Variants in RSU1 observed in about 807,000 individuals in gnomAD.
The protein encoded by RSU1 is Ras suppressor protein 1.
RSU1 carries 26 observed loss-of-function variants against 31.1 expected under a neutral mutation model. The ratio of observed to expected loss-of-function variants is 0.84; its 90% CI spans 0.61 to 1.16. The LOEUF is 1.16. RSU1 is among the 50% of genes most tolerant of loss of function. The probability of loss-of-function intolerance (pLI) is 0.00; values close to 1 mark genes in which losing one functional copy is unlikely to be tolerated. For synonymous variants in RSU1, 164 were observed against 136.3 expected (o/e 1.20, Z -1.41); for missense variants, 320 against 339.1 (o/e 0.94, Z 0.44).
chr10:16,744,019 A>G (rs576659646), intron 7 of RSU1, among the ~76,000 whole-genome samples: 1 of 151,888 alleles, frequency 6.6e-6, no homozygotes, highest in South Asian at 2.1e-4. Flanking sequence ...GGTCCCAGCT[A>G]CTTGGAAGGC....
At chr10:16,671,743 A>G (rs1331307595) in intron 8 of RSU1, among the ~76,000 whole-genome samples, 1 of 151,902 alleles carries the variant, frequency 6.6e-6, no homozygotes, top group Non-Finnish European at 1.5e-5. Flanking sequence ...CTCCTGCCTC[A>G]GCCTCCCAAG....
At position 16,695,169 on chromosome 10, in the gene RSU1, A is replaced by AGGGGG. The variant is rs752388577; in HGVS notation, c.599-15_599-14insCCCCC. 9.3e-6 allele frequency: 11 copies of AGGGGG among 1,183,154 alleles called. No individual in the cohort carries two copies. The highest frequency in any genetic ancestry group is 3.4e-5 in the African/African-American group (2 of 59,276). The allele number at this position is 1,183,154 out of a possible 1,614,324, so 73.3% of individuals were successfully genotyped here. On this transcript the variant is annotated splice_polypyrimidine_tract_variant and intron_variant, in intron 7 of 8. Coordinates refer to ENST00000345264, the MANE Select transcript of RSU1 (RefSeq NM_012425.4). ...AATCCAAGTTTCCTGGGGGGGGGGA[A>AGGGGG]AAAAAAAGTGAAGGTCACTTCATCC... is the stretch of plus-strand genomic sequence containing the variant.
rs538852360 is a variant in RSU1 at position 16,714,868 on chromosome 10, G to C, written c.599-19713C>G. Among the ~76,000 whole-genome samples the C allele has an allele frequency of 4.6e-5, 7 of 152,268 alleles. No homozygotes were observed. In the South Asian group the frequency reaches 1.4e-3, roughly 32 times the overall value. On this transcript the variant is annotated intron_variant, in intron 7 of 8. Transcript: ENST00000345264. ...TCCTCAATGTGGACACTGAGGCATT[G>C]CATCTGTGTGAGCTCCCGGCTACTC...
At chr10:16,808,918 G>A (rs1183743590) in intron 2 of RSU1, among the ~76,000 whole-genome samples, 1 of 152,150 alleles carries the variant, frequency 6.6e-6, no homozygotes, top group Admixed American at 6.5e-5. Flanking sequence ...GATCATGTGA[G>A]CACAGCAAGA....
intron 7 of RSU1, among the ~76,000 whole-genome samples, chr10:16,734,866 A>G (rs936530307): frequency 1.3e-5 from 2 of 152,300 alleles, no homozygotes; most frequent in Middle Eastern, 6.8e-3. Flanking sequence ...ATGAGGTCAT[A>G]TGAGTGGATC....
Position 16,766,357 on chromosome 10 carries a change from G to A in RSU1, c.161-1847C>T, listed in dbSNP as rs1413399188. 2.6e-5 allele frequency among the ~76,000 whole-genome samples: 4 copies of A among 152,164 alleles called. No homozygotes were observed. In the East Asian group the frequency reaches 7.7e-4, roughly 29 times the overall value. ...GCTGCAAATGTACATTCTTTCTTAGGTGCACAGTCCATGGAACACTTCTGT... is the reference window on the plus strand; with the variant it reads ...GCTGCAAATGTACATTCTTTCTTAGATGCACAGTCCATGGAACACTTCTGT... On this transcript the variant is annotated intron_variant, in intron 3 of 8. Coordinates refer to ENST00000345264, the MANE Select transcript of RSU1 (RefSeq NM_012425.4).
At chr10:16,628,547 T>G (rs1173840935) in intron 8 of RSU1, among the ~76,000 whole-genome samples, 1 of 152,214 alleles carries the variant, frequency 6.6e-6, no homozygotes, top group African/African-American at 2.4e-5. Context: ...TGCAAGAAAT[T>G]TTACACTTTA....
chr10:16,598,500 G>A (rs990889314), intron 8 of RSU1, among the ~76,000 whole-genome samples: 1 of 152,182 alleles, frequency 6.6e-6, no homozygotes, highest in Non-Finnish European at 1.5e-5. Flanking sequence ...GCTGCAGTGA[G>A]CCGTGATCAC....
chr10:16,594,787 ATATTTT>A (rs1833583467), intron 8 of RSU1, among the ~76,000 whole-genome samples: 1 of 141,112 alleles, frequency 7.1e-6, no homozygotes, highest in African/African-American at 2.8e-5. Context: ...ATATATATAT[ATATTTT>A]TTTTTTTTTG....
intron 2 of RSU1, among the ~76,000 whole-genome samples, chr10:16,812,543 G>C (rs1022841818): frequency 6.6e-6 from 1 of 152,118 alleles, no homozygotes; most frequent in Non-Finnish European, 1.5e-5. Flanking sequence ...CCCAAAGAAG[G>C]TCGACATGGA....
rs1182651074 is a variant in RSU1, at chr10:16,706,757, T to C, written c.599-11602A>G. On this transcript the variant is annotated intron_variant, in intron 7 of 8. Coordinates refer to ENST00000345264, the MANE Select transcript of RSU1 (RefSeq NM_012425.4). ...ATTTGAAAGCCTCTCTTCTAGCTGT[T>C]TCCTAATATACAATATTTCACTGTT... Among the ~76,000 whole-genome samples the C allele has an allele frequency of 2.0e-5, 3 of 152,162 alleles. No individual in the cohort carries two copies. The East Asian group carries it at 5.8e-4, about 29-fold the overall frequency.
intron 8 of RSU1, among the ~76,000 whole-genome samples, chr10:16,608,773 T>A (rs1833845733): frequency 1.3e-5 from 2 of 151,900 alleles, no homozygotes; most frequent in African/African-American, 4.8e-5. Context: ...TGAAAAAGAA[T>A]GAAGAGTTTA....
chr10:16,788,090 GA>G (rs140561720), intron 2 of RSU1, among the ~76,000 whole-genome samples: 1 of 151,106 alleles, frequency 6.6e-6, no homozygotes, highest in East Asian at 1.9e-4. Context: ...AGTCTGACAT[GA>G]AAAAAATCTC....
chr10:16,636,501 C>A (rs1034535986), intron 8 of RSU1, among the ~76,000 whole-genome samples: 1 of 152,222 alleles, frequency 6.6e-6, no homozygotes, highest in Non-Finnish European at 1.5e-5. Context: ...TCAGCTCTTG[C>A]CTGGATGATT....
In RSU1 at chr10:16,764,437, C is replaced by G; in HGVS notation, c.234G>C (p.Leu78=). ...TCTGAAGGCTACTGATCTGTGTGGG[C>G]AGCTCCTCGATTTGGTTATTAAAAA... is the stretch of plus-strand genomic sequence containing the variant. ...LNFFNNQIEE[L]PTQISSLQKL... The change falls in exon 4 of 9, where the codon CTG becomes CTC. Residue 78 remains leucine (L), a synonymous_variant. Transcript: ENST00000345264. 6.2e-7 allele frequency: 1 copy of G among 1,614,056 alleles called. No homozygotes were observed. Among genetic ancestry groups the G allele is most frequent in the Non-Finnish European group, 8.5e-7 (1 of 1,179,988 alleles).
intron 8 of RSU1, among the ~76,000 whole-genome samples, chr10:16,658,596 C>T (rs527367046): frequency 3.9e-5 from 6 of 152,182 alleles, no homozygotes; most frequent in African/African-American, 1.2e-4. Context: ...TGGTGGCAGG[C>T]ACCTGTAATC....
chr10:16,791,315 C>T (rs1020450446), intron 2 of RSU1, among the ~76,000 whole-genome samples: 4 of 151,290 alleles, frequency 2.6e-5, no homozygotes, highest in East Asian at 3.9e-4. Context: ...GCGTGAGCCA[C>T]CTGTCAAAAA....
intron 8 of RSU1, among the ~76,000 whole-genome samples, chr10:16,682,542 A>ACACACACACG (rs1835346674): frequency 6.8e-6 from 1 of 147,078 alleles, no homozygotes; most frequent in Non-Finnish European, 1.5e-5. Context: ...TCATACACAC[A>ACACACACACG]CACACACACA....
intron 8 of RSU1, among the ~76,000 whole-genome samples, chr10:16,596,874 C>T (rs182902410): frequency 6.6e-6 from 1 of 152,228 alleles, no homozygotes; most frequent in Non-Finnish European, 1.5e-5. Flanking sequence ...AAGTGTGTAC[C>T]ACCATGCCTG....
Sources: gnomAD v4.1 joint callset for allele counts (sites outside exome capture counted in the v4.1 genomes callset) on GRCh38, gnomAD v4.1.1 for gene constraint, MANE v1.5 for transcripts, NCBI Gene and HGNC (gene_info 2026-07-23, HGNC 2026-07-21) for gene names.